Variants in MAX observed in about 807,000 individuals in gnomAD.
The protein encoded by MAX is protein max.
MAX carries 3 observed loss-of-function variants against 22.3 expected under a neutral mutation model. The observed-to-expected ratio is 0.13, with a 90% CI of 0.06 to 0.35. The LOEUF (loss-of-function observed/expected upper bound fraction) is 0.35. Among genes scored for constraint, MAX ranks in the 10% least tolerant of loss-of-function variants. The probability of loss-of-function intolerance (pLI) is 1.00; values close to 1 mark genes in which losing one functional copy is unlikely to be tolerated. For synonymous variants in MAX, 72 were observed against 77.7 expected (o/e 0.93, Z 0.39); for missense variants, 119 against 209.4 (o/e 0.57, Z 2.66).
Position 65,024,018 on chromosome 14 carries a change from C to T in MAX, c.172-17734G>A, listed in dbSNP as rs542210551. Among the ~76,000 whole-genome samples the T allele has an allele frequency of 5.9e-5, 9 of 151,910 alleles. No individual in the cohort carries two copies. In the South Asian group the frequency reaches 1.9e-3, roughly 32 times the overall value. On this transcript the variant is annotated intron_variant, in intron 3 of 3. Transcript: ENST00000341653. ...TCGGGAGGCTGAGGGAGGAGAATCA[C>T]TTGAACCCAGGAGGCAGAGCTTGCA... is the stretch of plus-strand genomic sequence containing the variant.
In MAX at chr14:65,088,537, A is replaced by G; in HGVS notation, c.171+5171T>C. ...ATAGTTTACATTTCATTTAAACGAC[A>G]ATCCCTCTAGCAGCTCAGATATGCT... On this transcript the variant is annotated intron_variant, in intron 3 of 4. Transcript: ENST00000358664. This position sits in a 1 kb window ranked among gnomAD's most constrained non-coding sequence, Gnocchi z 5.2. Among the ~76,000 whole-genome samples the G allele has an allele frequency of 6.6e-6, 1 of 152,218 alleles. No individual in the cohort carries two copies. The highest frequency in any genetic ancestry group is 1.9e-4 in the East Asian group (1 of 5,196).
chr14:65,057,940 G>C (rs2139689114), intron 3 of MAX, among the ~76,000 whole-genome samples: 1 of 152,264 alleles, frequency 6.6e-6, no homozygotes, highest in Admixed American at 6.5e-5. Flanking sequence ...TTTTAAGCAA[G>C]TCTGAAAACA....
rs1262047353 is a variant in MAX, at chr14:65,093,545, C to G, written c.171+163G>C. The G allele has an allele frequency of 4.5e-6, 3 of 669,910 alleles. No homozygotes were observed. Among genetic ancestry groups the G allele is most frequent in the East Asian group, 5.5e-5 (2 of 36,608 alleles). The allele number at this position is 669,910 out of a possible 1,614,324, so 41.5% of individuals were successfully genotyped here. ...ATTTTGTTAAGGATAAACTGGAGTA[C>G]GTAAGGTGTGCAGTGATCCTCCAAA... is the stretch of plus-strand genomic sequence containing the variant. On this transcript the variant is annotated intron_variant, in intron 3 of 4. Coordinates refer to ENST00000358664, the MANE Select transcript of MAX (RefSeq NM_002382.5). This position sits in a 1 kb window ranked among gnomAD's most constrained non-coding sequence, Gnocchi z 4.4.
intron 3 of MAX, among the ~76,000 whole-genome samples, chr14:65,036,039 C>T (rs1228031249): frequency 6.6e-6 from 1 of 152,014 alleles, no homozygotes; most frequent in Non-Finnish European, 1.5e-5. Context: ...CACTGTGTTG[C>T]CCAGGCTGGT....
At chr14:65,060,697 CAAAAA>C (rs59036615) in intron 3 of MAX, among the ~76,000 whole-genome samples, 1 of 48,632 alleles carries the variant, frequency 2.1e-5, no homozygotes, top group Non-Finnish European at 3.2e-5. Flanking sequence ...GACTCCGTCT[CAAAAA>C]AAAAAAAAAA....
At position 65,076,596 on chromosome 14, in the gene MAX, G is replaced by A. The variant is rs2139740893; in HGVS notation, c.363C>T (p.Ser121=). The part of the protein sequence containing the change: ...LQTNYPSSDN[S]LYTNAKGSTI... Reference sequence around the variant, plus strand: ...TGCTGCCCTTGGCGTTGGTGTAGAGGCTGTTGTCTGAGGAGGGGTAGTTGG... The same window carrying A: ...TGCTGCCCTTGGCGTTGGTGTAGAGACTGTTGTCTGAGGAGGGGTAGTTGG... The change falls in exon 5 of 5, where the codon AGC becomes AGT. Residue 121 remains serine (S), a synonymous_variant. Transcript: ENST00000358664. This position sits in a 1 kb window ranked among gnomAD's most constrained non-coding sequence, Gnocchi z 6.6. The A allele has an allele frequency of 6.2e-7, 1 of 1,614,060 alleles. No homozygotes were observed. The highest frequency in any genetic ancestry group is 8.5e-7 in the Non-Finnish European group (1 of 1,179,986).
At chr14:65,083,916 G>A in intron 3 of MAX, 8 of 1,297,396 alleles carry the variant, frequency 6.2e-6, no homozygotes, top group East Asian at 3.2e-5. Flanking sequence ...CAAAACGAAA[G>A]AATATGCACA....
At position 65,079,103 on chromosome 14, in the gene MAX, CT is replaced by C. The variant is rs1437851544; in HGVS notation, c.172-1068del. Reference sequence around the variant, plus strand: ...CATTAAAATACTACTTAAATGAAAGCTTTAGGTCACTAATTCTGCTAGGGCC... The same window carrying C: ...CATTAAAATACTACTTAAATGAAAGCTTAGGTCACTAATTCTGCTAGGGCC... On this transcript the variant is annotated intron_variant, in intron 3 of 4. Transcript: ENST00000358664. This position sits in a 1 kb window ranked among gnomAD's most constrained non-coding sequence, Gnocchi z 4.5. Among the ~76,000 whole-genome samples, 1 of 152,162 alleles carries C rather than the reference CT, an allele frequency of 6.6e-6. No individual in the cohort carries two copies. Among genetic ancestry groups the C allele is most frequent in the Non-Finnish European group, 1.5e-5 (1 of 68,038 alleles).
intron 3 of MAX, among the ~76,000 whole-genome samples, chr14:65,065,972 G>C (rs930584041): frequency 2.0e-5 from 3 of 152,194 alleles, no homozygotes; most frequent in Non-Finnish European, 4.4e-5. Context: ...GCCTGAGCCC[G>C]AGCCCGTATC....
At chr14:65,049,670 C>T (rs2062563766) in intron 3 of MAX, among the ~76,000 whole-genome samples, 2 of 152,106 alleles carry the variant, frequency 1.3e-5, no homozygotes, top group South Asian at 2.1e-4. Flanking sequence ...ATTTTAGCCA[C>T]AGGTTATCAT....
At position 65,011,222 on chromosome 14, in the gene MAX, G is replaced by A. The variant is rs1434499750; in HGVS notation, c.172-4938C>T. 6.6e-6 allele frequency among the ~76,000 whole-genome samples: 1 copy of A among 152,154 alleles called. No individual in the cohort carries two copies. Among genetic ancestry groups the A allele is most frequent in the African/African-American group, 2.4e-5 (1 of 41,446 alleles). On this transcript the variant is annotated intron_variant, in intron 3 of 3. Coordinates refer to the MAX transcript ENST00000341653. The surrounding 1 kb of genome is among the most constrained non-coding windows in gnomAD (Gnocchi z 4.0). ...GGCAGGGGATTACCTGAGGTCAGGAGTTCAAGACCAGCCTGGGCAACATGG... is the reference window on the plus strand; with the variant it reads ...GGCAGGGGATTACCTGAGGTCAGGAATTCAAGACCAGCCTGGGCAACATGG...
rs138284721 is a variant in MAX at position 65,007,028 on chromosome 14, A to G, written c.172-744T>C. On this transcript the variant is annotated intron_variant, in intron 3 of 3. Coordinates refer to the MAX transcript ENST00000341653. The surrounding 1 kb of genome is among the most constrained non-coding windows in gnomAD (Gnocchi z 4.9). ...CTGGGTTAGTTTCAGGAATTTCACA[A>G]TTACCCGTTTTTATCATTGTTGCCT... is the stretch of plus-strand genomic sequence containing the variant. 3.4e-3 allele frequency among the ~76,000 whole-genome samples: 515 copies of G among 152,274 alleles called. 1 individual carries two copies. Among genetic ancestry groups the G allele is most frequent in the African/African-American group, 0.012 (489 of 41,560 alleles).
intron 2 of MAX, among the ~76,000 whole-genome samples, chr14:65,098,763 T>C (rs185682868): frequency 5.2e-4 from 79 of 152,336 alleles, no homozygotes; most frequent in African/African-American, 7.7e-4. Context: ...TTACTGGCCA[T>C]TGGAGAAGCT....
chr14:65,048,174 G>A (rs2062526746), intron 3 of MAX, among the ~76,000 whole-genome samples: 1 of 151,560 alleles, frequency 6.6e-6, no homozygotes, highest in Admixed American at 6.6e-5. Flanking sequence ...GTAGAGACAG[G>A]ATATGACTAT....
intron 3 of MAX, among the ~76,000 whole-genome samples, chr14:65,059,635 GT>G (rs1302802360): frequency 2.6e-5 from 4 of 151,878 alleles, no homozygotes; most frequent in Non-Finnish European, 5.9e-5. Flanking sequence ...CTGCAGTTGT[GT>G]CCCCTTCTTC....
chr14:65,093,877 G>A lies in MAX; in HGVS notation c.64-62C>T, dbSNP rs1486003916. On this transcript the variant is annotated intron_variant, in intron 2 of 4. Transcript: ENST00000358664. This position sits in a 1 kb window ranked among gnomAD's most constrained non-coding sequence, Gnocchi z 4.4. ...ACTCCTTTTGCTTGGTACAAGGTGGGTGGGGTACAGCCTGGAAGTACACGC... is the reference window on the plus strand; with the variant it reads ...ACTCCTTTTGCTTGGTACAAGGTGGATGGGGTACAGCCTGGAAGTACACGC... 2 of 967,600 alleles carry A rather than the reference G, an allele frequency of 2.1e-6. No individual in the cohort carries two copies. The highest frequency in any genetic ancestry group is 3.4e-6 in the Non-Finnish European group (2 of 589,832). 59.9% of individuals were successfully genotyped at this position (967,600 alleles called of 1,614,324 possible).
At position 65,031,947 on chromosome 14, in the gene MAX, A is replaced by C. The variant is rs2062093454; in HGVS notation, c.172-25663T>G. On this transcript the variant is annotated intron_variant, in intron 3 of 3. Coordinates refer to the MAX transcript ENST00000341653. This position sits in a 1 kb window ranked among gnomAD's most constrained non-coding sequence, Gnocchi z 4.6. ...ATAAAAACCAAAACAAAAGCAAAAC[A>C]AAAAATATAGACGTGCGCCTTTTTC... is the stretch of plus-strand genomic sequence containing the variant. Among the ~76,000 whole-genome samples, 1 of 151,422 alleles carries C rather than the reference A, an allele frequency of 6.6e-6. No homozygotes were observed. Among genetic ancestry groups the C allele is most frequent in the Non-Finnish European group, 1.5e-5 (1 of 67,946 alleles).
At chr14:65,085,291 T>C (rs993094268) in intron 3 of MAX, among the ~76,000 whole-genome samples, 2 of 152,214 alleles carry the variant, frequency 1.3e-5, no homozygotes, top group African/African-American at 4.8e-5. Context: ...AAATTTCTGT[T>C]GGGCAGCATT....
At chr14:65,059,074 G>A (rs1426966894) in intron 3 of MAX, among the ~76,000 whole-genome samples, 1 of 152,024 alleles carries the variant, frequency 6.6e-6, no homozygotes, top group Non-Finnish European at 1.5e-5. Context: ...TCATGCTGGA[G>A]TACAGTGCTG....
Sources: gnomAD v4.1 joint callset for allele counts (sites outside exome capture counted in the v4.1 genomes callset) on GRCh38, gnomAD v4.1.1 for gene constraint, Gnocchi (gnomAD v3.1) non-coding constraint, MANE v1.5 for transcripts, NCBI Gene and HGNC (gene_info 2026-07-23, HGNC 2026-07-21) for gene names.